CRYL1: variants seen among roughly 807,000 people sequenced by gnomAD.
CRYL1 encodes crystallin lambda 1.
CRYL1 carries 29 observed loss-of-function variants against 36.6 expected under a neutral mutation model. The ratio of observed to expected loss-of-function variants is 0.79; its 90% CI spans 0.59 to 1.08. The LOEUF is 1.08. CRYL1 is among the 50% of genes least tolerant of loss of function. The probability of loss-of-function intolerance (pLI) is 0.00; values close to 1 mark genes in which losing one functional copy is unlikely to be tolerated. For missense variants in CRYL1, 411 were observed against 407.9 expected (o/e 1.01, Z -0.06); for synonymous variants, 152 against 151.5 (o/e 1.00, Z -0.02).
rs1491056679 is a variant in CRYL1 at position 20,439,529 on chromosome 13, AAG to A, written c.438+62_438+63del. The A allele has an allele frequency of 3.4e-3, 2,847 of 843,560 alleles. 1 individual carries two copies. Among genetic ancestry groups the A allele is most frequent in the African/African-American group, 8.5e-3 (441 of 51,778 alleles). 52.3% of individuals were successfully genotyped at this position (843,560 alleles called of 1,614,324 possible). A position where few individuals can be genotyped will look rare whatever the true frequency, so the allele number is the denominator to read the frequency against. On this transcript the variant is annotated intron_variant, in intron 4 of 7. Coordinates refer to ENST00000298248, the MANE Select transcript of CRYL1 (RefSeq NM_015974.3). Reference sequence around the variant, plus strand: ...CCCTCCCCCGCAAAAAAAAAAAAAAAAGAAAAAAAAAAAACACAGAATGAGAT... The same window carrying A: ...CCCTCCCCCGCAAAAAAAAAAAAAAAAAAAAAAAAAAACACAGAATGAGAT...
In CRYL1 at chr13:20,489,049, T is replaced by C. The variant is rs562708767; in HGVS notation, c.276+321A>G. Among the ~76,000 whole-genome samples the C allele has an allele frequency of 5.3e-5, 8 of 152,318 alleles. No homozygotes were observed. In the South Asian group the frequency reaches 1.0e-3, roughly 20 times the overall value. On this transcript the variant is annotated intron_variant, in intron 3 of 7. Coordinates refer to ENST00000298248, the MANE Select transcript of CRYL1 (RefSeq NM_015974.3). ...GATAAGATGATAAAACAAAATAAAA[T>C]AGTATTAGCAGTCCAGAAAACCTAT...
At chr13:20,416,990 C>T (rs376829310) in intron 5 of CRYL1, among the ~76,000 whole-genome samples, 3 of 152,206 alleles carry the variant, frequency 2.0e-5, no homozygotes, top group African/African-American at 7.2e-5. Context: ...GATACTTTCC[C>T]TTCCTCACTG....
Position 20,500,553 on chromosome 13 carries a change from A to G in CRYL1, c.150-11057T>C, listed in dbSNP as rs112363299. On this transcript the variant is annotated intron_variant, in intron 2 of 7. Coordinates refer to ENST00000298248, the MANE Select transcript of CRYL1 (RefSeq NM_015974.3). ...TTGTGTGGGTAATCAGGCCAAGTAT[A>G]TGGGACTGAAGCTTATTTTGCAGGT... Among the ~76,000 whole-genome samples, 605 of 152,342 alleles carry G rather than the reference A, an allele frequency of 4.0e-3. 6 individuals carry two copies. The highest frequency in any genetic ancestry group is 0.014 in the African/African-American group (579 of 41,574).
chr13:20,421,349 G>T (rs932183478), intron 5 of CRYL1, among the ~76,000 whole-genome samples: 2 of 152,068 alleles, frequency 1.3e-5, no homozygotes, highest in Non-Finnish European at 2.9e-5. Context: ...TTAATTGAGG[G>T]GTCCTCTGGG....
At chr13:20,450,058 T>C (rs1289629860) in intron 3 of CRYL1, among the ~76,000 whole-genome samples, 2 of 152,134 alleles carry the variant, frequency 1.3e-5, no homozygotes, top group African/African-American at 4.8e-5. Flanking sequence ...TACCAAACTA[T>C]CAACATCATT....
intron 2 of CRYL1, among the ~76,000 whole-genome samples, chr13:20,500,188 A>G (rs1024913844): frequency 4.6e-5 from 7 of 152,146 alleles, no homozygotes; most frequent in African/African-American, 1.7e-4. Flanking sequence ...TGTTTGAAAT[A>G]TTGCTCATTC....
rs202040300 is a variant in CRYL1, at chr13:20,489,394, T to A, written c.252A>T (p.Ala84=). ...LISGCPNIQE[A]VEGAMHIQEC... is the part of the protein sequence containing the mutation. Reference sequence around the variant, plus strand: ...CCTGAATGTGCATGGCACCCTCTACTGCTTCTTGGATATTGGGACAACCAC... The same window carrying A: ...CCTGAATGTGCATGGCACCCTCTACAGCTTCTTGGATATTGGGACAACCAC... Residue 84 remains alanine, a synonymous_variant, in exon 3 of 8, where the codon GCA becomes GCT. Coordinates refer to ENST00000298248, the MANE Select transcript of CRYL1 (RefSeq NM_015974.3). 1 of 1,613,490 alleles carries A rather than the reference T, an allele frequency of 6.2e-7. No individual in the cohort carries two copies. Among genetic ancestry groups the A allele is most frequent in the African/African-American group, 1.3e-5 (1 of 74,924 alleles).
At chr13:20,520,426 C>T (rs760039801) in intron 1 of CRYL1, among the ~76,000 whole-genome samples, 1 of 152,156 alleles carries the variant, frequency 6.6e-6, no homozygotes, top group African/African-American at 2.4e-5. Context: ...TGGCTTGGGT[C>T]TTACCCCGCT....
In CRYL1 at chr13:20,434,669, C is replaced by A. The variant is rs1395231471; in HGVS notation, c.439-2373G>T. On this transcript the variant is annotated intron_variant, in intron 4 of 7. Coordinates refer to ENST00000298248, the MANE Select transcript of CRYL1 (RefSeq NM_015974.3). ...TAACCCACTCCGCTGTCTTTCCCTG[C>A]TGTGGAAGCTTTGTCCTTTTGCTCT... Among the ~76,000 whole-genome samples, 4 of 149,756 alleles carry A rather than the reference C, an allele frequency of 2.7e-5. No individual in the cohort carries two copies. The Admixed American group carries it at 2.7e-4, about 10-fold the overall frequency.
At chr13:20,406,651 C>T (rs1315744866) in intron 6 of CRYL1, among the ~76,000 whole-genome samples, 2 of 151,378 alleles carry the variant, frequency 1.3e-5, no homozygotes, top group African/African-American at 4.9e-5. Context: ...ATTTACTTCA[C>T]TTTTGCTAGT....
At chr13:20,512,314 G>T in intron 2 of CRYL1, 129 bp downstream of exon 2, 3 of 643,712 alleles carry the variant, frequency 4.7e-6, no homozygotes, top group East Asian at 2.8e-5. Context: ...CAACTCAGAG[G>T]CACTGCAGTA....
At chr13:20,463,307 T>C (rs1455488497) in intron 3 of CRYL1, among the ~76,000 whole-genome samples, 4 of 152,218 alleles carry the variant, frequency 2.6e-5, no homozygotes, top group Non-Finnish European at 4.4e-5. Flanking sequence ...GCTTGAGTTT[T>C]TTCCCAGTGT....
chr13:20,420,701 T>TTTTTTTTTTTTTTTG lies in CRYL1; in HGVS notation c.634-7315_634-7314insCAAAAAAAAAAAAAA. On this transcript the variant is annotated intron_variant, in intron 5 of 7. Coordinates refer to ENST00000298248, the MANE Select transcript of CRYL1 (RefSeq NM_015974.3). ...CTTTGACTTTTCTTTAAAATAGAGG[T>TTTTTTTTTTTTTTTG]TGTGTGTGTGTGTGTGTGTGTGTGT... is the stretch of plus-strand genomic sequence containing the variant. Among the ~76,000 whole-genome samples the TTTTTTTTTTTTTTTG allele has an allele frequency of 7.7e-3, 169 of 21,860 alleles. 17 individuals carry two copies. The highest frequency in any genetic ancestry group is 0.028 in the Middle Eastern group (1 of 36). The allele number at this position is 21,860 out of a possible 152,430, so 14.3% of individuals were successfully genotyped here.
At chr13:20,427,041 C>T (rs2031948883) in intron 5 of CRYL1, 18 of 985,424 alleles carry the variant, frequency 1.8e-5, no homozygotes, top group Non-Finnish European at 2.2e-5. Context: ...CAGGCACCTC[C>T]ACATACCCTG....
intron 5 of CRYL1, among the ~76,000 whole-genome samples, chr13:20,420,450 C>T (rs975496876): frequency 1.3e-5 from 2 of 151,602 alleles, no homozygotes; most frequent in Non-Finnish European, 2.9e-5. Context: ...GAAGAAGAAA[C>T]CATATGTGCA....
Position 20,463,244 on chromosome 13 carries a change from A to T in CRYL1, c.277-23490T>A, listed in dbSNP as rs146353657. 7.4e-4 allele frequency among the ~76,000 whole-genome samples: 113 copies of T among 152,304 alleles called. No homozygotes were observed. In the East Asian group the frequency reaches 0.021, roughly 28 times the overall value. ...AAAGTAATATATGCTCATTGTCAAA[A>T]ATTTAGACAAACCTCAACCAAACTC... is the stretch of plus-strand genomic sequence containing the variant. On this transcript the variant is annotated intron_variant, in intron 3 of 7. Transcript: ENST00000298248.
Position 20,435,053 on chromosome 13 carries a change from G to A in CRYL1, c.439-2757C>T, listed in dbSNP as rs1360228881. Among the ~76,000 whole-genome samples, 4 of 152,060 alleles carry A rather than the reference G, an allele frequency of 2.6e-5. No homozygotes were observed. The highest frequency in any genetic ancestry group is 6.5e-5 in the Admixed American group (1 of 15,270). On this transcript the variant is annotated intron_variant, in intron 4 of 7. Transcript: ENST00000298248. The surrounding 1 kb of genome is among the most constrained non-coding windows in gnomAD (Gnocchi z 4.0). ...GCAGAAAGCTAGGTTCAGGTGCCGC[G>A]GCTGGGGTGGAGCTGTGGAAAGTTA...
chr13:20,484,039 A>G (rs2033341636), intron 3 of CRYL1, among the ~76,000 whole-genome samples: 1 of 152,190 alleles, frequency 6.6e-6, no homozygotes, highest in Non-Finnish European at 1.5e-5. Flanking sequence ...GATGGTCTCC[A>G]TCTCCTGACA....
intron 2 of CRYL1, among the ~76,000 whole-genome samples, chr13:20,501,732 G>A (rs928231075): frequency 6.6e-6 from 1 of 152,172 alleles, no homozygotes; most frequent in African/African-American, 2.4e-5. Context: ...GCCAGGGATT[G>A]CTTCCTTATG....
Sources: allele counts gnomAD v4.1 joint callset (sites outside exome capture counted in the v4.1 genomes callset), GRCh38; gene constraint gnomAD v4.1.1; non-coding constraint Gnocchi (gnomAD v3.1); transcripts MANE v1.5; gene names NCBI Gene and HGNC (gene_info 2026-07-23, HGNC 2026-07-21).